The following ZNF385B variants were observed in gnomAD, a reference collection of about 807,000 sequenced individuals.
The protein encoded by ZNF385B is zinc finger protein 533.
In ZNF385B, 23 loss-of-function variants were observed where a neutral mutation model predicts 39.2. That is an observed-to-expected ratio of 0.59 (90% CI 0.42 to 0.83). The LOEUF (loss-of-function observed/expected upper bound fraction) is 0.83. ZNF385B is among the 40% of genes least tolerant of loss of function. The probability of loss-of-function intolerance (pLI) is 0.00; values close to 1 mark genes in which losing one functional copy is unlikely to be tolerated. For synonymous variants in ZNF385B, 205 were observed against 222.6 expected, an observed-to-expected ratio of 0.92 and a Z score of 0.70; for missense variants, 552 against 598.9, an observed-to-expected ratio of 0.92 and a Z score of 0.82.
At chr2:179,566,636 T>C (rs1425525898) in intron 3 of ZNF385B, among the ~76,000 whole-genome samples, 1 of 152,210 alleles carries the variant, frequency 6.6e-6, no homozygotes, top group Non-Finnish European at 1.5e-5. Context: ...ATGTAGAAAA[T>C]GGAAGTCCTC....
intron 4 of ZNF385B, among the ~76,000 whole-genome samples, chr2:179,527,624 C>T (rs1032316000): frequency 1.3e-5 from 2 of 151,814 alleles, no homozygotes; most frequent in Non-Finnish European, 2.9e-5. Flanking sequence ...GTAAGAAGTG[C>T]AACTCTTTCA....
At chr2:179,660,295 G>A (rs1274324867) in intron 3 of ZNF385B, 1 of 152,104 alleles carries the variant, frequency 6.6e-6, no homozygotes, top group African/African-American at 2.4e-5. Flanking sequence ...AAACAATACA[G>A]TGACTGTCAG....
intron 5 of ZNF385B, among the ~76,000 whole-genome samples, chr2:179,483,764 T>C (rs970163343): frequency 4.6e-5 from 7 of 152,180 alleles, no homozygotes; most frequent in African/African-American, 7.2e-5. Flanking sequence ...TTTTCAAACA[T>C]TGGCTGGCAG....
At chr2:179,526,914 A>G (rs2058942361) in intron 4 of ZNF385B, among the ~76,000 whole-genome samples, 1 of 152,256 alleles carries the variant, frequency 6.6e-6, no homozygotes, top group South Asian at 2.1e-4. Context: ...GGCTTGCAAC[A>G]TTAACTGGTC....
intron 1 of ZNF385B, among the ~76,000 whole-genome samples, chr2:179,806,077 C>T (rs547216174): frequency 6.6e-6 from 1 of 151,920 alleles, no homozygotes; most frequent in Admixed American, 6.6e-5. Context: ...TATAACCATA[C>T]TAAAAATTTT....
chr2:179,638,866 C>T (rs910218371), intron 3 of ZNF385B, among the ~76,000 whole-genome samples: 2 of 152,080 alleles, frequency 1.3e-5, no homozygotes, highest in Non-Finnish European at 2.9e-5. Flanking sequence ...CTGATGATCA[C>T]ATCTGGCACA....
intron 1 of ZNF385B, among the ~76,000 whole-genome samples, chr2:179,773,650 A>C (rs1294634418): frequency 2.6e-5 from 4 of 152,182 alleles, no homozygotes; most frequent in Admixed American, 2.6e-4. Flanking sequence ...CACTCATTTC[A>C]GTATATTGTT....
intron 6 of ZNF385B, among the ~76,000 whole-genome samples, chr2:179,451,941 T>A (rs1038110379): frequency 6.6e-6 from 1 of 152,164 alleles, no homozygotes; most frequent in African/African-American, 2.4e-5. Flanking sequence ...TTAATAAAGA[T>A]GCATGTCATC....
Position 179,692,755 on chromosome 2 carries a change from A to C in ZNF385B, c.298+76748T>G, listed in dbSNP as rs531562253. 1.2e-3 allele frequency among the ~76,000 whole-genome samples: 181 copies of C among 152,278 alleles called. 1 individual carries two copies. Among genetic ancestry groups the C allele is most frequent in the African/African-American group, 4.1e-3 (172 of 41,566 alleles). On this transcript the variant is annotated intron_variant, in intron 3 of 9. Coordinates refer to ENST00000410066, the MANE Select transcript of ZNF385B (RefSeq NM_152520.6). ...CATCTCTCAAAAGAAGTCTGCTCTC[A>C]TTGGTGAAGATTTTGCAGGGATTCT...
At chr2:179,576,217 A>T in intron 3 of ZNF385B, 1 of 982,550 alleles carries the variant, frequency 1.0e-6, no homozygotes, top group Non-Finnish European at 1.2e-6. Flanking sequence ...CCTTCACTCC[A>T]GTTTTAATCT....
intron 6 of ZNF385B, among the ~76,000 whole-genome samples, chr2:179,469,022 C>T (rs189463027): frequency 5.9e-5 from 9 of 152,242 alleles, no homozygotes; most frequent in Admixed American, 2.0e-4. Context: ...CTTATTACAA[C>T]GTTGTTAAAG....
intron 3 of ZNF385B, among the ~76,000 whole-genome samples, chr2:179,546,652 C>T (rs1325320695): frequency 1.3e-5 from 2 of 152,100 alleles, no homozygotes; most frequent in Non-Finnish European, 2.9e-5. Flanking sequence ...GCTTCCAAAT[C>T]TTGGCTATTG....
At chr2:179,641,315 C>T (rs1050024549) in intron 3 of ZNF385B, among the ~76,000 whole-genome samples, 1 of 152,108 alleles carries the variant, frequency 6.6e-6, no homozygotes, top group Non-Finnish European at 1.5e-5. Flanking sequence ...CACCCACTCA[C>T]TTTTAATTGC....
chr2:179,710,389 T>C (rs1038246482), intron 3 of ZNF385B, among the ~76,000 whole-genome samples: 1 of 152,122 alleles, frequency 6.6e-6, no homozygotes, highest in African/African-American at 2.4e-5. Flanking sequence ...CCCAATCGTA[T>C]GGTACTTCCA....
At chr2:179,786,735 T>C (rs1403829275) in intron 1 of ZNF385B, among the ~76,000 whole-genome samples, 2 of 152,004 alleles carry the variant, frequency 1.3e-5, no homozygotes, top group Non-Finnish European at 2.9e-5. Flanking sequence ...TAAAGATATT[T>C]AGAATATTTT....
chr2:179,609,325 C>T (rs934708592), intron 3 of ZNF385B, among the ~76,000 whole-genome samples: 1 of 152,090 alleles, frequency 6.6e-6, no homozygotes. Context: ...GAACATGTGA[C>T]GTTTGCTTTT....
At chr2:179,768,246 G>A (rs111233594) in intron 3 of ZNF385B, among the ~76,000 whole-genome samples, 25 of 151,750 alleles carry the variant, frequency 1.6e-4, no homozygotes, top group Non-Finnish European at 2.5e-4. Context: ...CACTGCGCCC[G>A]GCCATAACAT....
chr2:179,702,606 T>C (rs896088165), intron 3 of ZNF385B, among the ~76,000 whole-genome samples: 2 of 152,182 alleles, frequency 1.3e-5, no homozygotes, highest in African/African-American at 2.4e-5. Flanking sequence ...GTGATATGCT[T>C]ATCAAATAAT....
At chr2:179,571,972 G>A (rs1402373943) in intron 3 of ZNF385B, among the ~76,000 whole-genome samples, 3 of 152,120 alleles carry the variant, frequency 2.0e-5, no homozygotes, top group Non-Finnish European at 4.4e-5. Context: ...GTCCTGTGTA[G>A]GTCTCTTTTC....
Sources: gnomAD v4.1 joint callset for allele counts (sites outside exome capture counted in the v4.1 genomes callset) on GRCh38, gnomAD v4.1.1 for gene constraint, MANE v1.5 for transcripts, NCBI Gene and HGNC (gene_info 2026-07-23, HGNC 2026-07-21) for gene names.